CACNA2D1: variants seen among roughly 807,000 people sequenced by gnomAD.
CACNA2D1 encodes voltage-dependent calcium channel subunit alpha-2/delta-1.
In CACNA2D1, 53 loss-of-function variants were observed where a neutral mutation model predicts 171.5. That is an observed-to-expected ratio of 0.31 (90% CI 0.25 to 0.39). The LOEUF (loss-of-function observed/expected upper bound fraction) is 0.39. Among genes scored for constraint, CACNA2D1 ranks in the 10% least tolerant of loss-of-function variants. The pLI, the probability that CACNA2D1 is intolerant of heterozygous loss-of-function variation, is 1.00. For synonymous variants in CACNA2D1, 442 were observed against 443.1 expected (o/e 1.00, Z 0.03); for missense variants, 903 against 1,299.8 (o/e 0.69, Z 4.69).
chr7:81,986,578 CA>C (rs1796998955), intron 21 of CACNA2D1, among the ~76,000 whole-genome samples: 1 of 151,510 alleles, frequency 6.6e-6, no homozygotes, highest in South Asian at 2.1e-4. Flanking sequence ...AAAAAAAAAG[CA>C]AGGGTTTATT....
chr7:82,074,897 T>A (rs1040470126), intron 7 of CACNA2D1, among the ~76,000 whole-genome samples: 7 of 152,122 alleles, frequency 4.6e-5, no homozygotes, highest in Admixed American at 4.6e-4. Context: ...AGTTCTGGGG[T>A]ACTTGTGCAC....
chr7:82,051,350 A>T (rs1035645465), intron 10 of CACNA2D1, among the ~76,000 whole-genome samples: 2 of 152,130 alleles, frequency 1.3e-5, no homozygotes, highest in Non-Finnish European at 2.9e-5. Context: ...ACATTTATAA[A>T]CTGTCACTTC....
chr7:82,040,366 C>T (rs1803787956), intron 10 of CACNA2D1, among the ~76,000 whole-genome samples: 1 of 143,418 alleles, frequency 7.0e-6, no homozygotes. Flanking sequence ...GGTTTCAATA[C>T]ATGTGAGATA....
intron 3 of CACNA2D1, among the ~76,000 whole-genome samples, chr7:82,225,683 G>A (rs576970996): frequency 3.3e-5 from 5 of 151,608 alleles, no homozygotes; most frequent in Non-Finnish European, 5.9e-5. Flanking sequence ...TTTTTGGGAC[G>A]AAGCCATCCT....
chr7:82,310,951 T>C (rs1814382478), intron 3 of CACNA2D1, among the ~76,000 whole-genome samples: 1 of 152,172 alleles, frequency 6.6e-6, no homozygotes, highest in African/African-American at 2.4e-5. Context: ...AGAGGACCCC[T>C]AAGGCATCCA....
intron 4 of CACNA2D1, among the ~76,000 whole-genome samples, chr7:82,142,298 T>G (rs1792493547): frequency 6.6e-6 from 1 of 152,190 alleles, no homozygotes. Context: ...TTACTGAAAT[T>G]TCAAACATCC....
intron 21 of CACNA2D1, among the ~76,000 whole-genome samples, chr7:81,990,259 T>A (rs1584313155): frequency 6.6e-6 from 1 of 152,302 alleles, no homozygotes; most frequent in South Asian, 2.1e-4. Flanking sequence ...GAAAATTTTA[T>A]AGCAATGTAA....
chr7:82,402,465 C>T, intron 1 of CACNA2D1, among the ~76,000 whole-genome samples: 1 of 152,192 alleles, frequency 6.6e-6, no homozygotes, highest in East Asian at 1.9e-4. Context: ...GTAATCCCAG[C>T]ACTTTGGGAG....
chr7:82,436,955 T>G (rs1475048178), intron 1 of CACNA2D1, among the ~76,000 whole-genome samples: 1 of 152,158 alleles, frequency 6.6e-6, no homozygotes, highest in Admixed American at 6.5e-5. Context: ...TGGGCAAATA[T>G]CAAAAGAAAC....
chr7:81,956,518 T>C (rs1001119438), intron 38 of CACNA2D1, among the ~76,000 whole-genome samples: 2 of 152,084 alleles, frequency 1.3e-5, no homozygotes, highest in African/African-American at 4.8e-5. Flanking sequence ...ATAATTCAAA[T>C]AATTGCCTAT....
At chr7:82,154,646 T>C (rs1426343411) in intron 4 of CACNA2D1, among the ~76,000 whole-genome samples, 5 of 152,158 alleles carry the variant, frequency 3.3e-5, no homozygotes, top group African/African-American at 7.2e-5. Flanking sequence ...CACGTAAATA[T>C]TGAAGAAGAG....
chr7:82,289,429 G>A (rs572077869), intron 3 of CACNA2D1, among the ~76,000 whole-genome samples: 140 of 152,296 alleles, frequency 9.2e-4, no homozygotes, highest in South Asian at 7.7e-3. Flanking sequence ...ATTGTTTGTG[G>A]ACGTAAGTTT....
At chr7:82,134,074 GA>G (rs953826896) in intron 5 of CACNA2D1, among the ~76,000 whole-genome samples, 59 of 142,120 alleles carry the variant, frequency 4.2e-4, no homozygotes, top group Middle Eastern at 3.7e-3. Context: ...GTCTGTCTCG[GA>G]AAAAAAAAAA....
chr7:82,041,562 T>G (rs1368058256), intron 10 of CACNA2D1, among the ~76,000 whole-genome samples: 4 of 152,190 alleles, frequency 2.6e-5, no homozygotes, highest in Non-Finnish European at 5.9e-5. Flanking sequence ...TTTTTCATGT[T>G]TATTTTGAAC....
At chr7:82,434,768 C>T (rs893367814) in intron 1 of CACNA2D1, among the ~76,000 whole-genome samples, 2 of 152,086 alleles carry the variant, frequency 1.3e-5, no homozygotes, top group African/African-American at 4.8e-5. Flanking sequence ...TGACCAACTC[C>T]TCAAGCCACT....
chr7:82,048,686 T>C (rs527372312), intron 10 of CACNA2D1, among the ~76,000 whole-genome samples: 1 of 152,260 alleles, frequency 6.6e-6, no homozygotes, highest in African/African-American at 2.4e-5. Flanking sequence ...TTAAGCCTAC[T>C]AAATAATTAA....
At position 82,276,489 on chromosome 7, in the gene CACNA2D1, A is replaced by G. The variant is rs938374104; in HGVS notation, c.294+58646T>C. 2.0e-5 allele frequency among the ~76,000 whole-genome samples: 3 copies of G among 152,178 alleles called. No individual in the cohort carries two copies. In the East Asian group the frequency reaches 5.8e-4, roughly 29 times the overall value. ...AGTTTGTTTTAGGGGCAGAAATAGTAGCTCCAGGTAGCAATGTAAACTATG... is the reference window on the plus strand; with the variant it reads ...AGTTTGTTTTAGGGGCAGAAATAGTGGCTCCAGGTAGCAATGTAAACTATG... On this transcript the variant is annotated intron_variant, in intron 3 of 38. Coordinates refer to ENST00000356860, the MANE Select transcript of CACNA2D1 (RefSeq NM_000722.4).
At chr7:82,286,541 T>C (rs1473573890) in intron 3 of CACNA2D1, among the ~76,000 whole-genome samples, 4 of 152,188 alleles carry the variant, frequency 2.6e-5, no homozygotes. Flanking sequence ...TACAAAGTTG[T>C]ACAATCTTTC....
chr7:82,173,471 A>C (rs999092667), intron 3 of CACNA2D1, among the ~76,000 whole-genome samples: 1 of 151,738 alleles, frequency 6.6e-6, no homozygotes, highest in Non-Finnish European at 1.5e-5. Flanking sequence ...TGAAAACTCT[A>C]CTCCTGTTAA....
Sources: gnomAD v4.1 joint callset for allele counts (sites outside exome capture counted in the v4.1 genomes callset) on GRCh38, gnomAD v4.1.1 for gene constraint, MANE v1.5 for transcripts, NCBI Gene and HGNC (gene_info 2026-07-23, HGNC 2026-07-21) for gene names.